ATP8A1: variants seen among roughly 807,000 people sequenced by gnomAD.
The protein encoded by ATP8A1 is ATPase phospholipid transporting 8A1, also known as phospholipid-transporting ATPase IA.
Under a neutral mutation model 177.7 loss-of-function variants are expected in ATP8A1, and 90 were observed. That is an observed-to-expected ratio of 0.51 (90% confidence interval 0.43 to 0.60). ATP8A1 has a LOEUF of 0.60. ATP8A1 is among the 20% of genes least tolerant of loss of function. The pLI is 0.00. For synonymous variants in ATP8A1, 493 were observed against 485.9 expected, an observed-to-expected ratio of 1.01 and a Z score of -0.19; for missense variants, 1,072 against 1,392.8, an observed-to-expected ratio of 0.77 and a Z score of 3.67.
chr4:42,427,186 T>A (rs1049678132), intron 33 of ATP8A1, among the ~76,000 whole-genome samples: 5 of 152,210 alleles, frequency 3.3e-5, no homozygotes, highest in Non-Finnish European at 7.3e-5. Context: ...AGAACTGATT[T>A]ACGAAAACGT....
chr4:42,577,498 AT>A (rs1429212433), intron 12 of ATP8A1, among the ~76,000 whole-genome samples: 4 of 152,186 alleles, frequency 2.6e-5, no homozygotes, highest in African/African-American at 9.6e-5. Context: ...CTTTACAATG[AT>A]TGAAAAAGAA....
chr4:42,564,261 C>G (rs369591501), intron 15 of ATP8A1, among the ~76,000 whole-genome samples: 125 of 152,310 alleles, frequency 8.2e-4, no homozygotes, highest in Non-Finnish European at 1.4e-3. Flanking sequence ...AGAGCCCCCC[C>G]CAACAGAGTC....
chr4:42,482,680 T>C (rs1418423518), intron 25 of ATP8A1, among the ~76,000 whole-genome samples: 1 of 152,212 alleles, frequency 6.6e-6, no homozygotes, highest in African/African-American at 2.4e-5. Context: ...CATTCTGCCC[T>C]GTATGCTGAT....
intron 19 of ATP8A1, among the ~76,000 whole-genome samples, chr4:42,544,662 G>C (rs1728712941): frequency 6.6e-6 from 1 of 152,174 alleles, no homozygotes. Context: ...GGAAGAAACT[G>C]CGACAGCATT....
chr4:42,500,608 G>A (rs1265209910), intron 24 of ATP8A1, among the ~76,000 whole-genome samples: 1 of 151,706 alleles, frequency 6.6e-6, no homozygotes, highest in African/African-American at 2.4e-5. Context: ...CAAGCTTTCT[G>A]CTGATCCTGG....
At chr4:42,422,412 A>T (rs763247698) in intron 35 of ATP8A1, among the ~76,000 whole-genome samples, 1 of 152,194 alleles carries the variant, frequency 6.6e-6, no homozygotes, top group Non-Finnish European at 1.5e-5. Context: ...TTTATTATGG[A>T]TACTATTTCA....
At chr4:42,415,547 A>G (rs1430314843) in intron 35 of ATP8A1, among the ~76,000 whole-genome samples, 1 of 152,204 alleles carries the variant, frequency 6.6e-6, no homozygotes, top group Admixed American at 6.5e-5. Context: ...ACTTATAGAC[A>G]TCATCCATCT....
At chr4:42,586,584 A>AT (rs754675200) in intron 8 of ATP8A1, 108 bp from the exon 9 acceptor site, 20 of 1,094,056 alleles carry the variant, frequency 1.8e-5, no homozygotes, top group Non-Finnish European at 2.6e-5. Context: ...AGATCCCATT[A>AT]TTTTTATAAG....
chr4:42,565,390 C>T (rs1056504395), intron 15 of ATP8A1, among the ~76,000 whole-genome samples: 1 of 152,108 alleles, frequency 6.6e-6, no homozygotes, highest in East Asian at 1.9e-4. Flanking sequence ...CTAGCTTTTG[C>T]GGCAGAATAA....
At chr4:42,524,960 G>A (rs1726533091) in intron 20 of ATP8A1, 113 bp from the exon 21 acceptor site, 2 of 575,868 alleles carry the variant, frequency 3.5e-6, no homozygotes. Flanking sequence ...AATCTCTTTT[G>A]GCATTCGTTT....
At chr4:42,424,576 T>C (rs150288706) in intron 33 of ATP8A1, among the ~76,000 whole-genome samples, 113 of 152,328 alleles carry the variant, frequency 7.4e-4, no homozygotes, top group Middle Eastern at 6.8e-3. Flanking sequence ...TCAGGTATGG[T>C]TCAGGAATTA....
intron 16 of ATP8A1, among the ~76,000 whole-genome samples, chr4:42,554,338 C>T (rs1033492303): frequency 1.3e-5 from 2 of 152,052 alleles, no homozygotes; most frequent in African/African-American, 4.8e-5. Context: ...GAGATCTGGA[C>T]ATGGAGAGAA....
Position 42,472,262 on chromosome 4 carries a change from T to C in ATP8A1, c.2325-7186A>G, listed in dbSNP as rs187161632. The C allele has an allele frequency of 7.0e-4, 394 of 560,860 alleles. 1 individual carries two copies. The highest frequency in any genetic ancestry group is 2.1e-4 in the Non-Finnish European group (60 of 285,972). The allele number at this position is 560,860 out of a possible 1,614,324, so 34.7% of individuals were successfully genotyped here. The stretch of plus-strand genomic sequence containing the variant: ...CTGGATGACAGCCGGCTCATAAAGG[T>C]TCATTTGGACAAAGCATAGGAGAAC... On this transcript the variant is annotated intron_variant, in intron 25 of 36. Coordinates refer to ENST00000381668, the MANE Select transcript of ATP8A1 (RefSeq NM_006095.2).
intron 1 of ATP8A1, among the ~76,000 whole-genome samples, chr4:42,652,762 C>T (rs1317865153): frequency 3.9e-5 from 6 of 152,198 alleles, no homozygotes; most frequent in Non-Finnish European, 7.3e-5. Flanking sequence ...CCCCTGCACA[C>T]GCTCTTTTGC....
intron 4 of ATP8A1, among the ~76,000 whole-genome samples, chr4:42,616,649 C>CT (rs1404371794): frequency 1.3e-5 from 2 of 152,200 alleles, no homozygotes; most frequent in East Asian, 3.8e-4. Flanking sequence ...GCATTCCCTC[C>CT]TCCCACCACT....
chr4:42,600,072 G>C (rs993678750), intron 6 of ATP8A1, among the ~76,000 whole-genome samples: 2 of 152,106 alleles, frequency 1.3e-5, no homozygotes, highest in Non-Finnish European at 2.9e-5. Flanking sequence ...AAAGGAATTA[G>C]TGGTAAGCAA....
chr4:42,533,013 C>T (rs1727435026), intron 20 of ATP8A1, among the ~76,000 whole-genome samples: 1 of 152,240 alleles, frequency 6.6e-6, no homozygotes, highest in South Asian at 2.1e-4. Flanking sequence ...CTCAGCCCAC[C>T]TGCACCCAGG....
intron 2 of ATP8A1, chr4:42,625,943 C>T (rs1374610405): frequency 3.5e-5 from 11 of 310,332 alleles, no homozygotes; most frequent in African/African-American, 2.2e-4. Context: ...AATCTTTTGT[C>T]CTATTTGGCC....
chr4:42,432,257 T>C (rs1448165817), intron 33 of ATP8A1, among the ~76,000 whole-genome samples: 1 of 152,142 alleles, frequency 6.6e-6, no homozygotes, highest in Admixed American at 6.5e-5. Context: ...ATCTATATTT[T>C]TACAGCAAAG....
Sources: gnomAD v4.1 joint callset for allele counts (sites outside exome capture counted in the v4.1 genomes callset) on GRCh38, gnomAD v4.1.1 for gene constraint, MANE v1.5 for transcripts, NCBI Gene and HGNC (gene_info 2026-07-23, HGNC 2026-07-21) for gene names.